Variants in DACH2 observed in about 807,000 individuals in gnomAD.
DACH2 encodes the protein dachshund homolog 2.
Under a neutral mutation model 35.8 loss-of-function variants are expected in DACH2, and 17 were observed. The ratio of observed to expected loss-of-function variants is 0.48; its 90% CI spans 0.33 to 0.71. The LOEUF is 0.71. DACH2 is among the 30% of genes least tolerant of loss of function. DACH2 has a pLI of 0.02. For synonymous variants in DACH2, 195 were observed against 177.3 expected, an observed-to-expected ratio of 1.10 and a Z score of -0.79; for missense variants, 469 against 472.7, an observed-to-expected ratio of 0.99 and a Z score of 0.07.
At chrX:86,470,669 A>G (rs1451577688) in intron 2 of DACH2, among the ~76,000 whole-genome samples, 1 of 111,079 alleles carries the variant, frequency 9.0e-6, no homozygotes, top group Non-Finnish European at 1.9e-5. Flanking sequence ...GGGATGAGAA[A>G]TTACCTATTG....
At chrX:86,625,315 G>C (rs2040122997) in intron 3 of DACH2, among the ~76,000 whole-genome samples, 1 of 108,077 alleles carries the variant, frequency 9.3e-6, no homozygotes, top group South Asian at 4.2e-4. Context: ...ATTTAATGGA[G>C]AAGTATTTTT....
At chrX:86,782,191 C>T (rs1463203945) in intron 7 of DACH2, among the ~76,000 whole-genome samples, 1 of 111,239 alleles carries the variant, frequency 9.0e-6, no homozygotes, top group African/African-American at 3.3e-5. Context: ...TTTAAGAGGA[C>T]ACTAAAAAGT....
intron 1 of DACH2, among the ~76,000 whole-genome samples, chrX:86,359,097 GTGTGTGTGTGTGTGTGTT>G (rs1442298680): frequency 9.2e-6 from 1 of 108,441 alleles, no homozygotes; most frequent in Admixed American, 1.0e-4. Flanking sequence ...GTGTGTGTGT[GTGTGTGTGTGTGTGTGTT>G]TGTGTGTGCA....
chrX:86,431,979 T>TA (rs1021444383), intron 2 of DACH2, among the ~76,000 whole-genome samples: 5 of 111,981 alleles, frequency 4.5e-5, no homozygotes, highest in African/African-American at 9.7e-5. Context: ...ACAGTCTCAG[T>TA]AAAAAAATGT....
intron 2 of DACH2, among the ~76,000 whole-genome samples, chrX:86,468,727 G>T (rs995475442): frequency 5.4e-5 from 6 of 111,672 alleles, no homozygotes; most frequent in Non-Finnish European, 9.4e-5. Flanking sequence ...TTAAAGACTT[G>T]TATTCAAAGT....
chrX:86,474,498 A>C (rs1007255429), intron 2 of DACH2, among the ~76,000 whole-genome samples: 1 of 112,162 alleles, frequency 8.9e-6, no homozygotes, highest in Non-Finnish European at 1.9e-5. Flanking sequence ...TTGAGGTCTT[A>C]GATTTAAGTA....
intron 3 of DACH2, among the ~76,000 whole-genome samples, chrX:86,643,869 G>A (rs1029966707): frequency 9.0e-6 from 1 of 111,347 alleles, no homozygotes; most frequent in African/African-American, 3.3e-5. Flanking sequence ...AAAACCAAAT[G>A]ATTATCTCTA....
chrX:86,526,565 A>G (rs1410090357), intron 3 of DACH2, among the ~76,000 whole-genome samples: 1 of 111,341 alleles, frequency 9.0e-6, no homozygotes, highest in Non-Finnish European at 1.9e-5. Flanking sequence ...TCAAAATGGT[A>G]GTTCTTAGTA....
intron 7 of DACH2, among the ~76,000 whole-genome samples, chrX:86,799,959 C>G (rs1602965264): frequency 9.0e-6 from 1 of 111,369 alleles, no homozygotes; most frequent in Non-Finnish European, 1.9e-5. Context: ...TGAGGTAGAT[C>G]TTTATATTCT....
chrX:86,458,431 A>G (rs973565343), intron 2 of DACH2, among the ~76,000 whole-genome samples: 1 of 111,505 alleles, frequency 9.0e-6, no homozygotes, highest in African/African-American at 3.3e-5. Flanking sequence ...TGAAGGGGAT[A>G]ATGGACTTAA....
intron 1 of DACH2, chrX:86,304,664 G>A: frequency 5.9e-6 from 1 of 169,844 alleles, no homozygotes; most frequent in Non-Finnish European, 1.3e-5. Context: ...GCATCCACAT[G>A]ACAGCAGTAG....
At chrX:86,600,367 A>G (rs970152603) in intron 3 of DACH2, among the ~76,000 whole-genome samples, 1 of 112,068 alleles carries the variant, frequency 8.9e-6, no homozygotes, top group African/African-American at 3.2e-5. Flanking sequence ...ATTTTGAACT[A>G]TATGCTGTAT....
intron 3 of DACH2, among the ~76,000 whole-genome samples, chrX:86,566,709 G>C (rs1018265334): frequency 4.9e-5 from 5 of 101,114 alleles, no homozygotes; most frequent in African/African-American, 1.3e-4. Flanking sequence ...TTCTGTACAT[G>C]CAAGTGTACT....
rs2042575298 is a variant in DACH2 at position 86,827,697 on chromosome X, T to A, written c.1751-4409T>A. 1.1e-5 allele frequency: 10 copies of A among 948,411 alleles called. No individual in the cohort carries two copies. The Admixed American group carries it at 2.6e-4, about 25-fold the overall frequency. 78.2% of individuals were successfully genotyped at this position (948,411 alleles called of 1,213,427 possible). ...AGTTTGTGGTTTTCAGTGAAGTGCA[T>A]TGAGTAGATTTTGAATTTTCTTTGT... On this transcript the variant is annotated intron_variant, in intron 11 of 11. Transcript: ENST00000373125.
chrX:86,305,157 G>T (rs754779796), intron 1 of DACH2: 1 of 131,749 alleles, frequency 7.6e-6, no homozygotes. Flanking sequence ...TTTTTGGGGG[G>T]TACACGCTCT....
chrX:86,582,564 T>A (rs887150281), intron 3 of DACH2, among the ~76,000 whole-genome samples: 3 of 110,279 alleles, frequency 2.7e-5, no homozygotes, highest in Non-Finnish European at 5.7e-5. Flanking sequence ...ACAAAAACCC[T>A]CAGATACTAC....
At chrX:86,461,351 A>G (rs939408100) in intron 2 of DACH2, among the ~76,000 whole-genome samples, 1 of 111,688 alleles carries the variant, frequency 9.0e-6, no homozygotes, top group African/African-American at 3.2e-5. Flanking sequence ...GTAATGTTCA[A>G]CAAAATAGGA....
Position 86,658,131 on chromosome X carries a change from CA to C in DACH2, c.772+6971del, listed in dbSNP as rs1268495441. ...CAACCATTGTGCATTTTGCTCTTCACAAAAAAACCAACCAGCATTGTCAGAG... is the reference window on the plus strand; with the variant it reads ...CAACCATTGTGCATTTTGCTCTTCACAAAAAACCAACCAGCATTGTCAGAG... On this transcript the variant is annotated intron_variant, in intron 4 of 11. Transcript: ENST00000373125. Among the ~76,000 whole-genome samples the C allele has an allele frequency of 9.9e-5, 11 of 111,324 alleles. No homozygotes were observed. In the East Asian group the frequency reaches 2.8e-3, roughly 29 times the overall value.
chrX:86,673,430 C>T (rs1334764891), intron 4 of DACH2, among the ~76,000 whole-genome samples: 1 of 109,037 alleles, frequency 9.2e-6, no homozygotes, highest in Non-Finnish European at 1.9e-5. Flanking sequence ...TGCATGGGGA[C>T]TGTTACCCCT....
Sources: allele counts gnomAD v4.1 joint callset (sites outside exome capture counted in the v4.1 genomes callset), GRCh38; gene constraint gnomAD v4.1.1; transcripts MANE v1.5; gene names NCBI Gene and HGNC (gene_info 2026-07-23, HGNC 2026-07-21).